Variants in VEZT observed in about 807,000 individuals in gnomAD.
VEZT encodes vezatin.
Under a neutral mutation model 79.9 loss-of-function variants are expected in VEZT, and 39 were observed. That is an observed-to-expected ratio of 0.49 (90% CI 0.38 to 0.64). The LOEUF (loss-of-function observed/expected upper bound fraction) is 0.64. VEZT is among the 30% of genes least tolerant of loss of function. The pLI, the probability that VEZT is intolerant of heterozygous loss-of-function variation, is 0.00. For synonymous variants in VEZT, 325 were observed against 327.6 expected (o/e 0.99, Z 0.09); for missense variants, 837 against 893.1 (o/e 0.94, Z 0.80).
intron 4 of VEZT, among the ~76,000 whole-genome samples, chr12:95,265,027 A>G (rs932116096): frequency 6.6e-6 from 1 of 151,642 alleles, no homozygotes; most frequent in African/African-American, 2.4e-5. Flanking sequence ...CACCCAGCTA[A>G]TTTTTAAATT....
Position 95,302,667 on chromosome 12 carries a change from A to G in VEZT, c.*1994A>G, listed in dbSNP as rs1237672672. ...TCAGTTGTATTAGTGGGGTAACTAC[A>G]TCAAAATAAATAAAGTCTTATTTTT... is the stretch of plus-strand genomic sequence containing the variant. On this transcript the variant is annotated 3_prime_UTR_variant, in exon 12 of 12. Transcript: ENST00000436874. 6.6e-6 allele frequency: 1 copy of G among 152,212 alleles called. No homozygotes were observed. The highest frequency in any genetic ancestry group is 1.5e-5 in the Non-Finnish European group (1 of 68,032). 9.4% of individuals were successfully genotyped at this position (152,212 alleles called of 1,614,324 possible). A position where few individuals can be genotyped will look rare whatever the true frequency, so the allele number is the denominator to read the frequency against.
At chr12:95,237,214 G>A (rs1157263690) in intron 1 of VEZT, among the ~76,000 whole-genome samples, 1 of 151,996 alleles carries the variant, frequency 6.6e-6, no homozygotes, top group Non-Finnish European at 1.5e-5. Flanking sequence ...TGTGACCTTG[G>A]GCAAGTTCCC....
At chr12:95,241,327 G>A (rs1487708219) in intron 1 of VEZT, among the ~76,000 whole-genome samples, 5 of 151,858 alleles carry the variant, frequency 3.3e-5, no homozygotes, top group East Asian at 1.9e-4. Context: ...GTGAGCCACC[G>A]TGCCTTGCCA....
rs890833153 is a variant in VEZT at position 95,229,458 on chromosome 12, A to C, written c.36+11572A>C. Among the ~76,000 whole-genome samples the C allele has an allele frequency of 3.9e-5, 6 of 152,188 alleles. No homozygotes were observed. In the East Asian group the frequency reaches 1.2e-3, roughly 29 times the overall value. On this transcript the variant is annotated intron_variant, in intron 1 of 11. Transcript: ENST00000436874. Reference sequence around the variant, plus strand: ...TTAGCAATGAAATTCTGAATAAATCACTTAATTTCTCTAGAGCTTGTTTCC... The same window carrying C: ...TTAGCAATGAAATTCTGAATAAATCCCTTAATTTCTCTAGAGCTTGTTTCC...
At chr12:95,297,409 TC>T (rs374219773) in intron 11 of VEZT, among the ~76,000 whole-genome samples, 87 of 150,480 alleles carry the variant, frequency 5.8e-4, no homozygotes, top group South Asian at 6.3e-4. Context: ...TTTTTTTTTT[TC>T]CCCTCAGGAG....
At chr12:95,261,770 A>G (rs2064552406) in intron 3 of VEZT, among the ~76,000 whole-genome samples, 3 of 152,228 alleles carry the variant, frequency 2.0e-5, no homozygotes, top group South Asian at 2.1e-4. Context: ...GGCAGACTAT[A>G]TGCAGGGAAA....
At chr12:95,285,967 TC>T (rs1174595550) in intron 8 of VEZT, among the ~76,000 whole-genome samples, 1 of 128,484 alleles carries the variant, frequency 7.8e-6, no homozygotes, top group Admixed American at 8.3e-5. Flanking sequence ...ACCAAGACGC[TC>T]CCCCCGACCC....
intron 7 of VEZT, among the ~76,000 whole-genome samples, chr12:95,277,769 A>G (rs2068089983): frequency 6.6e-6 from 1 of 152,254 alleles, no homozygotes; most frequent in Admixed American, 6.5e-5. Context: ...ATTAAATGAG[A>G]AGACATATTA....
At chr12:95,225,556 C>CAAACAAAACA (rs543072496) in intron 1 of VEZT, among the ~76,000 whole-genome samples, 14 of 151,632 alleles carry the variant, frequency 9.2e-5, no homozygotes, top group African/African-American at 2.7e-4. Flanking sequence ...GACTCTGTCT[C>CAAACAAAACA]AAACAAAACA....
At chr12:95,292,588 G>A (rs1181552707) in intron 9 of VEZT, among the ~76,000 whole-genome samples, 7 of 142,074 alleles carry the variant, frequency 4.9e-5, no homozygotes, top group Non-Finnish European at 7.5e-5. Flanking sequence ...GCACTCTGTC[G>A]CCCAGGCTGG....
intron 1 of VEZT, among the ~76,000 whole-genome samples, chr12:95,235,832 G>A (rs1282078140): frequency 3.3e-5 from 5 of 151,020 alleles, no homozygotes; most frequent in South Asian, 2.1e-4. Context: ...GGCGGCTGCC[G>A]GGCAGAGACG....
chr12:95,234,725 C>T (rs1003969201), intron 1 of VEZT, among the ~76,000 whole-genome samples: 3 of 151,894 alleles, frequency 2.0e-5, no homozygotes, highest in Non-Finnish European at 4.4e-5. Flanking sequence ...GGCAGGGTCA[C>T]AGGACAGTAG....
chr12:95,236,206 C>T (rs530570969), intron 1 of VEZT, among the ~76,000 whole-genome samples: 2,291 of 152,290 alleles, frequency 0.015, 59 homozygotes, highest in African/African-American at 0.05. Flanking sequence ...GGATCACTCG[C>T]GGTTAGGAGC....
At chr12:95,263,698 T>C (rs1327626046) in intron 4 of VEZT, 1 of 152,186 alleles carries the variant, frequency 6.6e-6, no homozygotes, top group Non-Finnish European at 1.5e-5. Flanking sequence ...CCTATTCACA[T>C]GTGTGCATGC....
chr12:95,292,618 G>A (rs4762337), intron 9 of VEZT, among the ~76,000 whole-genome samples: 42,585 of 148,758 alleles, frequency 0.29, 6,914 homozygotes, highest in African/African-American at 0.45. Flanking sequence ...GCGCGATCTC[G>A]CCTCACTGCA....
At chr12:95,260,232 A>G (rs1027160000) in intron 3 of VEZT, among the ~76,000 whole-genome samples, 15 of 151,440 alleles carry the variant, frequency 9.9e-5, no homozygotes, top group Non-Finnish European at 8.8e-5. Context: ...CAGCCTCACA[A>G]GTAGCTGGGA....
chr12:95,301,214 G>A lies in VEZT; in HGVS notation c.*541G>A, dbSNP rs1447286335. On this transcript the variant is annotated 3_prime_UTR_variant, in exon 12 of 12. Coordinates refer to ENST00000436874, the MANE Select transcript of VEZT (RefSeq NM_017599.4). ...TTTGGAACTAAAAGTAGTTTCAACAGTGCGTGGGTTATGACATTTCTTATG... is the reference window on the plus strand; with the variant it reads ...TTTGGAACTAAAAGTAGTTTCAACAATGCGTGGGTTATGACATTTCTTATG... The A allele has an allele frequency of 6.6e-6, 1 of 152,182 alleles. No individual in the cohort carries two copies. The highest frequency in any genetic ancestry group is 2.4e-5 in the African/African-American group (1 of 41,434). 9.4% of individuals were successfully genotyped at this position (152,182 alleles called of 1,614,324 possible). A position where few individuals can be genotyped will look rare whatever the true frequency, so the allele number is the denominator to read the frequency against.
chr12:95,256,856 T>C (rs1293744916), intron 2 of VEZT, among the ~76,000 whole-genome samples: 1 of 152,214 alleles, frequency 6.6e-6, no homozygotes. Context: ...GACTTCTGCC[T>C]GCTCTTTAAA....
At chr12:95,289,213 C>G (rs1315042861) in intron 9 of VEZT, among the ~76,000 whole-genome samples, 1 of 151,152 alleles carries the variant, frequency 6.6e-6, no homozygotes, top group East Asian at 1.9e-4. Context: ...GTCAGGAGAT[C>G]GAGACCATCC....
Sources: gnomAD v4.1 joint callset for allele counts (sites outside exome capture counted in the v4.1 genomes callset) on GRCh38, gnomAD v4.1.1 for gene constraint, MANE v1.5 for transcripts, NCBI Gene and HGNC (gene_info 2026-07-23, HGNC 2026-07-21) for gene names.